Variants in AP3B1 observed in about 807,000 individuals in gnomAD.
AP3B1 encodes adaptor related protein complex 3 subunit beta 1.
A neutral mutation model predicts 132.5 loss-of-function variants in AP3B1; 61 were observed. That is an observed-to-expected ratio of 0.46 (90% CI 0.37 to 0.57). The LOEUF (loss-of-function observed/expected upper bound fraction) is 0.57. Among genes scored for constraint, AP3B1 ranks in the 20% least tolerant of loss-of-function variants. The pLI, the probability that AP3B1 is intolerant of heterozygous loss-of-function variation, is 0.00. For missense variants in AP3B1, 1,120 were observed against 1,289.4 expected (o/e 0.87, Z 2.01); for synonymous variants, 388 against 438.3 (o/e 0.89, Z 1.43).
At chr5:78,118,310 C>T (rs1422378020) in intron 17 of AP3B1, among the ~76,000 whole-genome samples, 3 of 152,192 alleles carry the variant, frequency 2.0e-5, no homozygotes, top group Non-Finnish European at 4.4e-5. Flanking sequence ...CCACCAGGTT[C>T]ATCTCACTAG....
intron 1 of AP3B1, among the ~76,000 whole-genome samples, chr5:78,291,311 G>A (rs1749505370): frequency 6.7e-6 from 1 of 150,252 alleles, no homozygotes; most frequent in Non-Finnish European, 1.5e-5. Flanking sequence ...CAGCCATTGT[G>A]GAAAAGACAG....
intron 11 of AP3B1, among the ~76,000 whole-genome samples, chr5:78,175,174 C>T (rs1185797226): frequency 6.6e-6 from 1 of 152,228 alleles, no homozygotes; most frequent in Non-Finnish European, 1.5e-5. Flanking sequence ...TCTTGTGCTT[C>T]CTGGGTGAGG....
intron 3 of AP3B1, among the ~76,000 whole-genome samples, chr5:78,239,472 G>GA (rs1302357220): frequency 0.056 from 2,209 of 39,406 alleles, 59 homozygotes; most frequent in African/African-American, 0.12. Flanking sequence ...CCCTGTCTCA[G>GA]AAAAAAAAAA....
rs35911405 is a variant in AP3B1 at position 78,024,862 on chromosome 5, C to CT, written c.2895-4074dup. ...ACAGGTGTGAGTCACTGCGCCTGGC[C>CT]TTTTTTTTTTTTTTTTTGTAAAGAC... On this transcript the variant is annotated intron_variant, in intron 24 of 26. Transcript: ENST00000255194. Among the ~76,000 whole-genome samples, 1,022 of 129,988 alleles carry CT rather than the reference C, an allele frequency of 7.9e-3. 10 individuals are homozygous for CT. Among genetic ancestry groups the CT allele is most frequent in the African/African-American group, 0.02 (714 of 35,654 alleles). The allele number at this position is 129,988 out of a possible 152,430, so 85.3% of individuals were successfully genotyped here. A position where few individuals can be genotyped will look rare whatever the true frequency, so the allele number is the denominator to read the frequency against.
At chr5:78,283,362 G>T (rs1749139072) in intron 1 of AP3B1, among the ~76,000 whole-genome samples, 1 of 152,170 alleles carries the variant, frequency 6.6e-6, no homozygotes, top group African/African-American at 2.4e-5. Context: ...ACGGAAGTAG[G>T]AATTAAGTTT....
chr5:78,020,284 A>C (rs963334795), intron 25 of AP3B1, among the ~76,000 whole-genome samples: 2 of 152,142 alleles, frequency 1.3e-5, no homozygotes, highest in Non-Finnish European at 2.9e-5. Context: ...TGCAGGGACA[A>C]ATACATTAGT....
chr5:78,118,220 G>A (rs149984279), intron 17 of AP3B1, among the ~76,000 whole-genome samples: 329 of 152,308 alleles, frequency 2.2e-3, no homozygotes, highest in African/African-American at 7.1e-3. Flanking sequence ...CAAGATGGCC[G>A]AATAGGAACA....
chr5:78,254,153 C>T (rs1023593457), intron 2 of AP3B1, among the ~76,000 whole-genome samples: 4 of 151,614 alleles, frequency 2.6e-5, no homozygotes, highest in East Asian at 1.9e-4. Context: ...TGGAAATACA[C>T]GGTCAGAGGA....
chr5:78,009,228 G>A (rs1746513504), intron 26 of AP3B1, among the ~76,000 whole-genome samples: 1 of 151,102 alleles, frequency 6.6e-6, no homozygotes, highest in Non-Finnish European at 1.5e-5. Context: ...ACCAAAGTGG[G>A]AGGACTGCTT....
At chr5:78,257,923 C>T (rs1486832679) in intron 2 of AP3B1, among the ~76,000 whole-genome samples, 1 of 151,942 alleles carries the variant, frequency 6.6e-6, no homozygotes, top group African/African-American at 2.4e-5. Context: ...AAGACAGTCT[C>T]TAATAAATGG....
intron 7 of AP3B1, among the ~76,000 whole-genome samples, chr5:78,194,085 A>G (rs1295409449): frequency 1.3e-5 from 2 of 152,178 alleles, no homozygotes; most frequent in East Asian, 3.9e-4. Flanking sequence ...TTTCTTAACT[A>G]GACATTGATA....
intron 26 of AP3B1, 96 bp from the exon 27 acceptor site, chr5:78,003,151 A>C (rs2112028722): frequency 2.1e-6 from 3 of 1,415,918 alleles, no homozygotes; most frequent in Middle Eastern, 1.8e-4. Context: ...CTTTTTTGTC[A>C]AATGAAATAA....
chr5:78,075,706 G>A (rs1164395572), intron 22 of AP3B1, among the ~76,000 whole-genome samples: 1 of 152,226 alleles, frequency 6.6e-6, no homozygotes, highest in Non-Finnish European at 1.5e-5. Flanking sequence ...TACAAATGGG[G>A]TTGCTTCTTC....
At chr5:78,107,840 T>C (rs528352277) in intron 20 of AP3B1, among the ~76,000 whole-genome samples, 8 of 152,360 alleles carry the variant, frequency 5.3e-5, no homozygotes, top group African/African-American at 1.9e-4. Flanking sequence ...TTTGATGTTC[T>C]CCAATACTGT....
intron 14 of AP3B1, among the ~76,000 whole-genome samples, chr5:78,143,951 G>C (rs1407111525): frequency 1.3e-5 from 2 of 152,074 alleles, no homozygotes; most frequent in Non-Finnish European, 2.9e-5. Flanking sequence ...GTTGCAGTGA[G>C]CTAAGATTGT....
chr5:78,096,918 T>C (rs1381200529), intron 21 of AP3B1, among the ~76,000 whole-genome samples: 207 of 90,818 alleles, frequency 2.3e-3, no homozygotes, highest in Middle Eastern at 0.023. Context: ...CCAGCCGCCC[T>C]GTCCGGGAGG....
intron 1 of AP3B1, among the ~76,000 whole-genome samples, chr5:78,288,085 C>T (rs1749358244): frequency 6.6e-6 from 1 of 152,218 alleles, no homozygotes; most frequent in Non-Finnish European, 1.5e-5. Flanking sequence ...GGCACCAACA[C>T]TTCAACGTCT....
intron 15 of AP3B1, among the ~76,000 whole-genome samples, chr5:78,134,200 T>C (rs1002414962): frequency 6.7e-5 from 10 of 149,652 alleles, no homozygotes; most frequent in Admixed American, 4.0e-4. Context: ...CTCAAAATAC[T>C]CTGACAATAA....
At chr5:78,144,493 A>C (rs1057186976) in intron 14 of AP3B1, among the ~76,000 whole-genome samples, 2 of 152,196 alleles carry the variant, frequency 1.3e-5, no homozygotes, top group Non-Finnish European at 2.9e-5. Flanking sequence ...CAAAAACATC[A>C]ATTTCATTTA....
Sources: allele counts gnomAD v4.1 joint callset (sites outside exome capture counted in the v4.1 genomes callset), GRCh38; gene constraint gnomAD v4.1.1; transcripts MANE v1.5; gene names NCBI Gene and HGNC (gene_info 2026-07-23, HGNC 2026-07-21).